Variants in MANBA observed in about 807,000 individuals in gnomAD.
MANBA encodes the protein mannosidase beta.
Under a neutral mutation model 111.1 loss-of-function variants are expected in MANBA, and 83 were observed. The ratio of observed to expected loss-of-function variants is 0.75; its 90% CI spans 0.63 to 0.90. The LOEUF is 0.90. MANBA is among the 40% of genes least tolerant of loss of function. MANBA has a pLI of 0.00. For missense variants in MANBA, 1,036 were observed against 1,069.0 expected, an observed-to-expected ratio of 0.97 and a Z score of 0.43; for synonymous variants, 370 against 378.7, an observed-to-expected ratio of 0.98 and a Z score of 0.27.
intron 1 of MANBA, among the ~76,000 whole-genome samples, chr4:102,735,275 T>G (rs563917350): frequency 1.3e-5 from 2 of 152,278 alleles, no homozygotes; most frequent in East Asian, 3.9e-4. Flanking sequence ...ACAAACTTCC[T>G]GAGCTTCTGA....
chr4:102,662,044 A>G (rs1443728321), intron 11 of MANBA, among the ~76,000 whole-genome samples: 1 of 152,180 alleles, frequency 6.6e-6, no homozygotes, highest in African/African-American at 2.4e-5. Context: ...GGCTCGTTTT[A>G]AGATAAATAA....
At chr4:102,678,631 C>T (rs943363695) in intron 7 of MANBA, among the ~76,000 whole-genome samples, 12 of 152,070 alleles carry the variant, frequency 7.9e-5, no homozygotes, top group Non-Finnish European at 1.8e-4. Flanking sequence ...ATTTTAACTT[C>T]TAAATTTTTA....
intron 11 of MANBA, among the ~76,000 whole-genome samples, chr4:102,664,092 T>G (rs141639611): frequency 1.4e-4 from 21 of 152,310 alleles, no homozygotes; most frequent in African/African-American, 5.1e-4. Flanking sequence ...ATCTAGAGAT[T>G]CTAAACTTTT....
intron 16 of MANBA, chr4:102,633,320 G>T: frequency 2.5e-6 from 1 of 398,660 alleles, no homozygotes; most frequent in South Asian, 1.3e-4. Flanking sequence ...ATGCCAGCCT[G>T]CCCAGGAAGC....
intron 12 of MANBA, among the ~76,000 whole-genome samples, chr4:102,654,651 TAAG>T (rs1730484695): frequency 6.6e-6 from 1 of 152,208 alleles, no homozygotes. Context: ...TTTCATGATA[TAAG>T]CACTCAGCTA....
At chr4:102,671,204 T>C in intron 9 of MANBA, 77 bp downstream of exon 9, 2 of 937,140 alleles carry the variant, frequency 2.1e-6, no homozygotes, top group Non-Finnish European at 3.5e-6. Flanking sequence ...CTGGGGCAAT[T>C]GCATCATTCA....
At chr4:102,734,333 C>A in intron 1 of MANBA, 1 of 1,597,440 alleles carries the variant, frequency 6.3e-7, no homozygotes, top group South Asian at 1.1e-5. Flanking sequence ...TCAGAAGAGA[C>A]CTCAGGCAGC....
chr4:102,641,831 T>C (rs1490982010), intron 13 of MANBA, among the ~76,000 whole-genome samples: 1 of 151,768 alleles, frequency 6.6e-6, no homozygotes, highest in East Asian at 1.9e-4. Flanking sequence ...TTTGAAAAAA[T>C]TTTAAATGCA....
intron 8 of MANBA, among the ~76,000 whole-genome samples, chr4:102,673,154 T>G (rs2110225477): frequency 6.6e-6 from 1 of 152,258 alleles, no homozygotes; most frequent in Middle Eastern, 3.4e-3. Flanking sequence ...CACACGAGAT[T>G]TTGTTTAGTT....
chr4:102,729,520 G>A (rs537852957), intron 1 of MANBA: 3 of 916,736 alleles, frequency 3.3e-6, no homozygotes, highest in South Asian at 2.7e-5. Context: ...GATCTCGTCA[G>A]TCAGCCCTTC....
At chr4:102,633,216 G>T (rs12640086) in intron 16 of MANBA, 5,200 of 398,314 alleles carry the variant, frequency 0.013, 77 homozygotes, top group African/African-American at 0.049. Context: ...CAGAGACTCA[G>T]GCTTGAATTT....
At chr4:102,664,039 T>C (rs752882905) in intron 11 of MANBA, among the ~76,000 whole-genome samples, 1 of 152,182 alleles carries the variant, frequency 6.6e-6, no homozygotes, top group African/African-American at 2.4e-5. Context: ...CTTTAACACA[T>C]ACGATTACAG....
chr4:102,720,352 G>A (rs903288355), intron 4 of MANBA, among the ~76,000 whole-genome samples: 1 of 149,026 alleles, frequency 6.7e-6, no homozygotes, highest in South Asian at 2.2e-4. Flanking sequence ...AAAGAATGGC[G>A]TGAACCCAGG....
At chr4:102,642,464 G>A (rs1422817907) in intron 13 of MANBA, among the ~76,000 whole-genome samples, 8 of 152,056 alleles carry the variant, frequency 5.3e-5, no homozygotes, top group South Asian at 4.1e-4. Context: ...AAAATTAACC[G>A]GACGTGGTGG....
chr4:102,739,551 A>C (rs2110204645), intron 1 of MANBA, among the ~76,000 whole-genome samples: 1 of 152,376 alleles, frequency 6.6e-6, no homozygotes, highest in Admixed American at 6.5e-5. Context: ...AAGAGCCTCA[A>C]CAAAACACTA....
intron 13 of MANBA, among the ~76,000 whole-genome samples, chr4:102,640,430 T>A (rs1469929556): frequency 6.6e-6 from 1 of 152,228 alleles, no homozygotes; most frequent in Non-Finnish European, 1.5e-5. Flanking sequence ...GCAGAACAGA[T>A]GGCAAATTGC....
At chr4:102,748,243 T>C (rs1723657869) in intron 1 of MANBA, among the ~76,000 whole-genome samples, 1 of 152,178 alleles carries the variant, frequency 6.6e-6, no homozygotes, top group Non-Finnish European at 1.5e-5. Flanking sequence ...TGAATGGAGA[T>C]AGTAATCATA....
Position 102,745,411 on chromosome 4 carries a change from AAT to A in MANBA, c.177+15305_177+15306del, listed in dbSNP as rs553027144. Among the ~76,000 whole-genome samples, 23 of 152,310 alleles carry A rather than the reference AAT, an allele frequency of 1.5e-4. No homozygotes were observed. The South Asian group carries it at 4.8e-3, about 32-fold the overall frequency. ...TTAGATCTGACATACAGAGAAGAGC[AAT>A]TACAGGACTCTTCAGAGATGCAGTT... On this transcript the variant is annotated intron_variant, in intron 1 of 16. Coordinates refer to ENST00000647097, the MANE Select transcript of MANBA (RefSeq NM_005908.4).
intron 7 of MANBA, among the ~76,000 whole-genome samples, chr4:102,676,748 G>A (rs1469390731): frequency 6.6e-6 from 1 of 152,126 alleles, no homozygotes; most frequent in Admixed American, 6.5e-5. Flanking sequence ...AATATTCAAA[G>A]TACTAAATAA....
Sources: gnomAD v4.1 joint callset for allele counts (sites outside exome capture counted in the v4.1 genomes callset) on GRCh38, gnomAD v4.1.1 for gene constraint, MANE v1.5 for transcripts, NCBI Gene and HGNC (gene_info 2026-07-23, HGNC 2026-07-21) for gene names.